ZNG1B: variants seen among roughly 807,000 people sequenced by gnomAD.
The protein encoded by ZNG1B is Zn regulated GTPase metalloprotein activator 1B.
chr2:113,441,556 C>T, the ZNG1B span: 16 of 1,244,240 alleles, frequency 1.3e-5, no homozygotes, highest in South Asian at 2.3e-4. Flanking sequence ...ATGTGGATAG[C>T]TTTAGAAAAG....
the ZNG1B span, among the ~76,000 whole-genome samples, chr2:113,471,572 G>A: frequency 2.0e-3 from 295 of 151,178 alleles, no homozygotes; most frequent in Middle Eastern, 3.4e-3. Flanking sequence ...ATGCTGGTGC[G>A]CTGCACCCAC....
the ZNG1B span, among the ~76,000 whole-genome samples, chr2:113,478,926 T>C: frequency 1 from 150,697 of 150,886 alleles, 75,254 homozygotes; most frequent in Middle Eastern, 1. Flanking sequence ...TTGTCAGTGA[T>C]ACAGTTATTC....
At chr2:113,438,894 C>G in the ZNG1B span, 43 of 1,320,272 alleles carry the variant, frequency 3.3e-5, no homozygotes, top group Non-Finnish European at 4.4e-5. Flanking sequence ...ACTTCGTGAC[C>G]TTTTATGTAA....
the ZNG1B span, among the ~76,000 whole-genome samples, chr2:113,481,153 T>C: frequency 6.9e-6 from 1 of 145,336 alleles, no homozygotes; most frequent in Non-Finnish European, 1.5e-5. Flanking sequence ...CATTAAATAC[T>C]GAACATATGG....
chr2:113,440,615 G>A, the ZNG1B span, among the ~76,000 whole-genome samples: 1 of 151,994 alleles, frequency 6.6e-6, no homozygotes, highest in Admixed American at 6.6e-5. Context: ...AATCTTCCTA[G>A]TTATATACTA....
At chr2:113,440,091 A>C in the ZNG1B span, among the ~76,000 whole-genome samples, 1 of 150,670 alleles carries the variant, frequency 6.6e-6, no homozygotes, top group African/African-American at 2.4e-5. Context: ...TCACCGTTTT[A>C]GCCGGGATGG....
chr2:113,450,912 C>G, the ZNG1B span, among the ~76,000 whole-genome samples: 15 of 145,594 alleles, frequency 1.0e-4, no homozygotes, highest in Admixed American at 1.0e-3. Context: ...CCAAATGGGG[C>G]AATGTGGCTT....
chr2:113,448,951 C>T, the ZNG1B span, among the ~76,000 whole-genome samples: 6 of 151,916 alleles, frequency 3.9e-5, no homozygotes, highest in South Asian at 2.1e-4. Context: ...CTTAGTGTAG[C>T]TACTTTCATG....
At chr2:113,488,541 A>C in the ZNG1B span, among the ~76,000 whole-genome samples, 1 of 152,128 alleles carries the variant, frequency 6.6e-6, no homozygotes, top group Non-Finnish European at 1.5e-5. Flanking sequence ...CTTGAAAAAG[A>C]ATTCACTAGG....
chr2:113,486,838 C>T, the ZNG1B span, among the ~76,000 whole-genome samples: 1 of 152,130 alleles, frequency 6.6e-6, no homozygotes, highest in Non-Finnish European at 1.5e-5. Context: ...AGTTTTCCAA[C>T]TTGCATTAAA....
At chr2:113,491,504 A>C in the ZNG1B span, among the ~76,000 whole-genome samples, 1,428 of 73,432 alleles carry the variant, frequency 0.019, no homozygotes, top group Middle Eastern at 0.041. Flanking sequence ...ACCCAAGATA[A>C]ATTAAAGACT....
the ZNG1B span, chr2:113,438,041 C>T: frequency 6.2e-7 from 1 of 1,611,828 alleles, no homozygotes; most frequent in Non-Finnish European, 8.5e-7. Context: ...CCATCCCAGT[C>T]ACAAAATGGC....
At chr2:113,445,796 A>ATTT in the ZNG1B span, among the ~76,000 whole-genome samples, 3 of 125,532 alleles carry the variant, frequency 2.4e-5, no homozygotes, top group Admixed American at 8.2e-5. Context: ...CCATACCATT[A>ATTT]TTTTTTTTTT....
the ZNG1B span, among the ~76,000 whole-genome samples, chr2:113,474,394 C>G: frequency 6.7e-6 from 1 of 149,422 alleles, no homozygotes; most frequent in Non-Finnish European, 1.5e-5. Context: ...CTTTATTAGT[C>G]TTGCTAGCGG....
the ZNG1B span, among the ~76,000 whole-genome samples, chr2:113,451,173 C>T: frequency 0.012 from 1,633 of 140,496 alleles, no homozygotes; most frequent in African/African-American, 0.025. Flanking sequence ...CTACTTTTTG[C>T]CATTTTGGAG....
the ZNG1B span, among the ~76,000 whole-genome samples, chr2:113,485,336 A>G: frequency 7.4e-6 from 1 of 134,612 alleles, no homozygotes; most frequent in East Asian, 2.7e-4. Context: ...TTAATTTGCT[A>G]AACAAAGAGA....
the ZNG1B span, among the ~76,000 whole-genome samples, chr2:113,484,676 C>T: frequency 1.3e-5 from 2 of 151,300 alleles, no homozygotes; most frequent in African/African-American, 4.9e-5. Context: ...TTTTTTGAGA[C>T]GGAGTCTCGC....
the ZNG1B span, among the ~76,000 whole-genome samples, chr2:113,439,451 A>G: frequency 2.0e-5 from 3 of 152,048 alleles, no homozygotes; most frequent in Non-Finnish European, 2.9e-5. Flanking sequence ...TGTGATCCCA[A>G]CCATTTGTAA....
the ZNG1B span, among the ~76,000 whole-genome samples, chr2:113,457,975 A>C: frequency 6.9e-6 from 1 of 145,364 alleles, no homozygotes; most frequent in Non-Finnish European, 1.5e-5. Context: ...AGCCTTTTGA[A>C]TATGTTGGAT....
Sources: gnomAD v4.1 joint callset for allele counts (sites outside exome capture counted in the v4.1 genomes callset) on GRCh38, gnomAD v4.1.1 for gene constraint, MANE v1.5 for transcripts, NCBI Gene and HGNC (gene_info 2026-07-23, HGNC 2026-07-21) for gene names.